Variants in VPS33B observed in about 807,000 individuals in gnomAD.
VPS33B encodes the protein vacuolar protein sorting-associated protein 33B.
In VPS33B, 80 loss-of-function variants were observed where a neutral mutation model predicts 95.3. That is an observed-to-expected ratio of 0.84 (90% confidence interval 0.70 to 1.01). VPS33B has a LOEUF of 1.01. VPS33B is among the 50% of genes least tolerant of loss of function. The pLI is 0.00. For missense variants in VPS33B, 715 were observed against 773.4 expected (o/e 0.92, Z 0.90); for synonymous variants, 280 against 280.4 (o/e 1.00, Z 0.01).
chr15:91,009,945 C>T lies in VPS33B; in HGVS notation c.358-99G>A, dbSNP rs536131926. 1.1e-4 allele frequency: 155 copies of T among 1,402,624 alleles called. 1 individual carries two copies. The African/African-American group carries it at 1.9e-3, about 17-fold the overall frequency. The allele number at this position is 1,402,624 out of a possible 1,614,324, so 86.9% of individuals were successfully genotyped here. ...GGTCACTGATGAGGACAATAATTGC[C>T]GAACCCAGTGAAAGACAAGAGAACC... On this transcript the variant is annotated intron_variant, in intron 5 of 22. Transcript: ENST00000333371. The surrounding 1 kb of genome is among the most constrained non-coding windows in gnomAD (Gnocchi z 4.1).
At position 91,007,416 on chromosome 15, in the gene VPS33B, C is replaced by A; in HGVS notation, c.603+53G>T. The A allele has an allele frequency of 6.4e-7, 1 of 1,556,340 alleles. No homozygotes were observed. Among genetic ancestry groups the A allele is most frequent in the South Asian group, 1.1e-5 (1 of 89,870 alleles). ...GCCCTTGGATAACCCCAGGAGGGTA[C>A]AGAACAGGGAAAACAGCGTCTGCTG... On this transcript the variant is annotated intron_variant, in intron 8 of 22. Transcript: ENST00000333371. The surrounding 1 kb of genome is among the most constrained non-coding windows in gnomAD (Gnocchi z 5.3).
chr15:91,006,642 T>C lies in VPS33B; in HGVS notation c.778+10A>G, dbSNP rs972379074. The C allele has an allele frequency of 2.5e-5, 40 of 1,614,092 alleles. No homozygotes were observed. The highest frequency in any genetic ancestry group is 2.8e-5 in the Non-Finnish European group (33 of 1,180,034). On this transcript the variant is annotated intron_variant, in intron 10 of 22. Transcript: ENST00000333371. This position sits in a 1 kb window ranked among gnomAD's most constrained non-coding sequence, Gnocchi z 5.4. ...CATCTTGCCAAGATGCAGAGGACCA[T>C]AGCACTTACCACACTTGATGCGGAA...
Position 91,007,501 on chromosome 15 carries a change from G to C in VPS33B, c.571C>G (p.Pro191Ala), listed in dbSNP as rs775778438. The change falls in exon 8 of 23, where the codon CCA becomes GCA. Residue 191 changes from proline to alanine, a missense_variant. Transcript: ENST00000333371. This position sits in a 1 kb window ranked among gnomAD's most constrained non-coding sequence, Gnocchi z 5.3. ...CACCTGCCAATTCCATAGCAGTTTG[G>C]AAAGGGTCCATAGAGAGTGCTGAGA... ...HLLSTLYGPF[P>A]NCYGIGRCAK... The C allele has an allele frequency of 6.2e-7, 1 of 1,614,098 alleles. No individual in the cohort carries two copies. The highest frequency in any genetic ancestry group is 1.3e-5 in the African/African-American group (1 of 74,922).
chr15:91,006,566 T>C lies in VPS33B; in HGVS notation c.778+86A>G. The C allele has an allele frequency of 6.2e-7, 1 of 1,606,718 alleles. No homozygotes were observed. The highest frequency in any genetic ancestry group is 8.5e-7 in the Non-Finnish European group (1 of 1,173,286). ...CAGCAGTTCATTCAGGGTCTGGGTCTCTCCCACAAACCCTGCCCCACGTGG... is the reference window on the plus strand; with the variant it reads ...CAGCAGTTCATTCAGGGTCTGGGTCCCTCCCACAAACCCTGCCCCACGTGG... On this transcript the variant is annotated intron_variant, in intron 10 of 22. Coordinates refer to ENST00000333371, the MANE Select transcript of VPS33B (RefSeq NM_018668.5). The surrounding 1 kb of genome is among the most constrained non-coding windows in gnomAD (Gnocchi z 5.4).
At position 91,022,147 on chromosome 15, in the gene VPS33B, C is replaced by A. The variant is rs1461349650; in HGVS notation, c.96+7G>T. On this transcript the variant is annotated splice_region_variant and intron_variant, in intron 1 of 22. Transcript: ENST00000333371. ...AGATGCGATAAAGGCGTCAGGCAAG[C>A]ACTGACCTGCTCCAGCAGATAGATG... 6.4e-7 allele frequency: 1 copy of A among 1,558,032 alleles called. No homozygotes were observed. Among genetic ancestry groups the A allele is most frequent in the East Asian group, 2.4e-5 (1 of 41,554 alleles).
chr15:91,018,018 C>T lies in VPS33B; in HGVS notation c.97-133G>A, dbSNP rs746732072. The stretch of plus-strand genomic sequence containing the variant: ...CACTAAGTATCGTCTAGCCCGTCAC[C>T]TTATTTATTATCTGTATCCACAGTT... On this transcript the variant is annotated intron_variant, in intron 1 of 22. Transcript: ENST00000333371. The surrounding 1 kb of genome is among the most constrained non-coding windows in gnomAD (Gnocchi z 4.7). The T allele has an allele frequency of 8.4e-5, 66 of 782,644 alleles. No individual in the cohort carries two copies. The highest frequency in any genetic ancestry group is 1.3e-4 in the Non-Finnish European group (58 of 449,884). The allele number at this position is 782,644 out of a possible 1,614,324, so 48.5% of individuals were successfully genotyped here. A position where few individuals can be genotyped will look rare whatever the true frequency, so the allele number is the denominator to read the frequency against.
At chr15:91,019,809 A>G (rs907791845) in intron 1 of VPS33B, among the ~76,000 whole-genome samples, 1 of 148,160 alleles carries the variant, frequency 6.7e-6, no homozygotes, top group Non-Finnish European at 1.5e-5. Flanking sequence ...GTGTAATATA[A>G]TTTTTTTTTT....
Position 91,007,680 on chromosome 15 carries a change from G to A in VPS33B, c.499-107C>T. On this transcript the variant is annotated intron_variant, in intron 7 of 22. Coordinates refer to ENST00000333371, the MANE Select transcript of VPS33B (RefSeq NM_018668.5). This position sits in a 1 kb window ranked among gnomAD's most constrained non-coding sequence, Gnocchi z 5.3. ...AGCAGGGTGGCAGGGCCTGGGGGAT[G>A]CTTGAAAGGTTTTCATTGGCTCCAC... is the stretch of plus-strand genomic sequence containing the variant. 3.0e-6 allele frequency: 4 copies of A among 1,316,580 alleles called. No individual in the cohort carries two copies. The highest frequency in any genetic ancestry group is 2.2e-6 in the Non-Finnish European group (2 of 914,676). The allele number at this position is 1,316,580 out of a possible 1,614,324, so 81.6% of individuals were successfully genotyped here.
chr15:91,002,249 A>G lies in VPS33B; in HGVS notation c.1273-67T>C. ...AGCATCTAGTACTGTCAGGTACTAC[A>G]GAGTTGAGCAGAAGGACTATGAAGC... On this transcript the variant is annotated intron_variant, in intron 17 of 22. Transcript: ENST00000333371. The surrounding 1 kb of genome is among the most constrained non-coding windows in gnomAD (Gnocchi z 4.7). 3 of 1,597,564 alleles carry G rather than the reference A, an allele frequency of 1.9e-6. No homozygotes were observed. The South Asian group carries it at 3.4e-5, about 18-fold the overall frequency.
In VPS33B at chr15:91,007,916, T is replaced by C; in HGVS notation, c.452A>G (p.Asp151Gly). 6.2e-7 allele frequency: 1 copy of C among 1,614,186 alleles called. No homozygotes were observed. Among genetic ancestry groups the C allele is most frequent in the East Asian group, 2.2e-5 (1 of 44,880 alleles). ...WAFSLLPLDV[D>G]LLSMELPEFF... The stretch of plus-strand genomic sequence containing the variant: ...TTCTGGTAGTTCCATGCTCAGCAGA[T>C]CCACATCAAGAGGCAGCAAAGAGAA... The change falls in exon 7 of 23, where the codon GAT becomes GGT. Residue 151 changes from aspartate to glycine, a missense_variant. Physicochemically the swap from Asp to Gly is moderately conservative, Grantham distance 94 (BLOSUM62 -1). Coordinates refer to ENST00000333371, the MANE Select transcript of VPS33B (RefSeq NM_018668.5). The surrounding 1 kb of genome is among the most constrained non-coding windows in gnomAD (Gnocchi z 5.3).
chr15:91,017,184 A>T, intron 2 of VPS33B, 160 bp from the exon 3 acceptor site: 1 of 687,228 alleles, frequency 1.5e-6, no homozygotes, highest in Non-Finnish European at 2.6e-6. Flanking sequence ...ATCCCACTGA[A>T]TTTTCCTCAA....
intron 18 of VPS33B, among the ~76,000 whole-genome samples, chr15:91,001,698 G>A (rs564364658): frequency 6.6e-5 from 10 of 152,204 alleles, no homozygotes; most frequent in Admixed American, 2.0e-4. Flanking sequence ...AGGGTAACCC[G>A]AGTTTATTGG....
Position 91,015,674 on chromosome 15 carries a change from A to G in VPS33B, c.240-1241T>C, listed in dbSNP as rs2040904070. On this transcript the variant is annotated intron_variant, in intron 3 of 22. Coordinates refer to ENST00000333371, the MANE Select transcript of VPS33B (RefSeq NM_018668.5). This position sits in a 1 kb window ranked among gnomAD's most constrained non-coding sequence, Gnocchi z 4.7. Reference sequence around the variant, plus strand: ...CTCCTACTCAAAAAAATAAAATAAAATAAAACTATAGGCGGATGCAGTGCT... The same window carrying G: ...CTCCTACTCAAAAAAATAAAATAAAGTAAAACTATAGGCGGATGCAGTGCT... Among the ~76,000 whole-genome samples the G allele has an allele frequency of 1.3e-5, 2 of 151,986 alleles. No homozygotes were observed.
Position 91,007,164 on chromosome 15 carries a change from T to A in VPS33B, c.604-118A>T. 1 of 1,069,830 alleles carries A rather than the reference T, an allele frequency of 9.3e-7. No individual in the cohort carries two copies. The highest frequency in any genetic ancestry group is 1.3e-5 in the South Asian group (1 of 78,782). The allele number at this position is 1,069,830 out of a possible 1,614,324, so 66.3% of individuals were successfully genotyped here. A position where few individuals can be genotyped will look rare whatever the true frequency, so the allele number is the denominator to read the frequency against. On this transcript the variant is annotated intron_variant, in intron 8 of 22. Coordinates refer to ENST00000333371, the MANE Select transcript of VPS33B (RefSeq NM_018668.5). This position sits in a 1 kb window ranked among gnomAD's most constrained non-coding sequence, Gnocchi z 5.3. ...TCTTGTCCCCGAGACAGGAGCTAAT[T>A]ATTCACAATATGGCCCTATCTACTC...
In VPS33B at chr15:91,005,311, G is replaced by A. The variant is rs2040567953; in HGVS notation, c.1105+69C>T. 6.2e-7 allele frequency: 1 copy of A among 1,613,826 alleles called. No individual in the cohort carries two copies. The highest frequency in any genetic ancestry group is 8.5e-7 in the Non-Finnish European group (1 of 1,179,934). ...AAAGAGCCAGAGAACATCTTTTAAG[G>A]GTGGGACGGGGCTGGGAGCTGGGGA... is the stretch of plus-strand genomic sequence containing the variant. On this transcript the variant is annotated intron_variant, in intron 14 of 22. Coordinates refer to ENST00000333371, the MANE Select transcript of VPS33B (RefSeq NM_018668.5). The surrounding 1 kb of genome is among the most constrained non-coding windows in gnomAD (Gnocchi z 6.4).
rs1272281030 is a variant in VPS33B at position 91,017,365 on chromosome 15, T to TAAAAAAA, written c.178-342_178-341insTTTTTTT. ...TAACAAGACTCCATCTCTACAAAAT[T>TAAAAAAA]AAATATATATATATATATATATATA... is the stretch of plus-strand genomic sequence containing the variant. On this transcript the variant is annotated intron_variant, in intron 2 of 22. Transcript: ENST00000333371. 1.6e-3 allele frequency among the ~76,000 whole-genome samples: 28 copies of TAAAAAAA among 17,000 alleles called. 5 individuals carry two copies. Among genetic ancestry groups the TAAAAAAA allele is most frequent in the African/African-American group, 0.01 (24 of 2,312 alleles). The allele number at this position is 17,000 out of a possible 152,430, so 11.2% of individuals were successfully genotyped here.
In VPS33B at chr15:91,002,124, G is replaced by T. The variant is rs192649538; in HGVS notation, c.1331C>A (p.Thr444Lys). The T allele has an allele frequency of 1.2e-6, 2 of 1,614,200 alleles. No individual in the cohort carries two copies. Among genetic ancestry groups the T allele is most frequent in the East Asian group, 2.2e-5 (1 of 44,882 alleles). ...GAGGGTGTCCCCGGGGGCCTGCTCC[G>T]TTAGGAGCCCAGCTCTTCGCAGATT... ...FSNLRRAGLL[T>K]EQAPGDTLTA... is the part of the protein sequence containing the mutation. Residue 444 changes from threonine (T) to lysine (K), a missense_variant, in exon 18 of 23, where the codon ACG (threonine) becomes AAG (lysine). Coordinates refer to ENST00000333371, the MANE Select transcript of VPS33B (RefSeq NM_018668.5). The surrounding 1 kb of genome is among the most constrained non-coding windows in gnomAD (Gnocchi z 4.7).
At position 91,010,838 on chromosome 15, in the gene VPS33B, T is replaced by G. The variant is rs1291801865; in HGVS notation, c.358-992A>C. Among the ~76,000 whole-genome samples, 1 of 151,950 alleles carries G rather than the reference T, an allele frequency of 6.6e-6. No homozygotes were observed. Among genetic ancestry groups the G allele is most frequent in the African/African-American group, 2.4e-5 (1 of 41,352 alleles). ...AGTGTCAAATGCCAGGGAAGTTAAG[T>G]AGGATTAACATTAAATAGACACCAG... is the stretch of plus-strand genomic sequence containing the variant. On this transcript the variant is annotated intron_variant, in intron 5 of 22. Transcript: ENST00000333371. This position sits in a 1 kb window ranked among gnomAD's most constrained non-coding sequence, Gnocchi z 5.7.
chr15:91,017,056 T>G (rs2040949235), intron 2 of VPS33B, 32 bp from the exon 3 acceptor site: 2 of 1,608,116 alleles, frequency 1.2e-6, no homozygotes, highest in African/African-American at 1.3e-5. Context: ...ACAATGGACA[T>G]AAGAGTGCCT....
Sources: allele counts gnomAD v4.1 joint callset (sites outside exome capture counted in the v4.1 genomes callset), GRCh38; gene constraint gnomAD v4.1.1; non-coding constraint Gnocchi (gnomAD v3.1); transcripts MANE v1.5; gene names NCBI Gene and HGNC (gene_info 2026-07-23, HGNC 2026-07-21).